TKTL1: variants seen among roughly 807,000 people sequenced by gnomAD.
TKTL1 encodes the protein transketolase like 1.
TKTL1 carries 1 observed loss-of-function variant against 39.3 expected under a neutral mutation model. The ratio of observed to expected loss-of-function variants is 0.03; its 90% CI spans 0.01 to 0.12. The LOEUF is 0.12. TKTL1 is among the 10% of genes least tolerant of loss of function. TKTL1 has a pLI of 1.00. For missense variants in TKTL1, 575 were observed against 509.6 expected, an observed-to-expected ratio of 1.13 and a Z score of -1.24; for synonymous variants, 262 against 193.8, an observed-to-expected ratio of 1.35 and a Z score of -2.92.
intron 8 of TKTL1, among the ~76,000 whole-genome samples, 190 bp from the exon 9 acceptor site, chrX:154,323,013 CAAGG>C (rs1192139470): frequency 8.9e-6 from 1 of 112,158 alleles, no homozygotes; most frequent in Non-Finnish European, 1.9e-5. Context: ...AGTGTGATCT[CAAGG>C]GAGACAGGCG....
chrX:154,321,073 C>T (rs2067446399), intron 8 of TKTL1, among the ~76,000 whole-genome samples, 160 bp downstream of exon 8: 1 of 108,361 alleles, frequency 9.2e-6, no homozygotes, highest in Non-Finnish European at 1.9e-5. Context: ...AAGTGTCAGA[C>T]TCTCAGGGCA....
intron 2 of TKTL1, among the ~76,000 whole-genome samples, chrX:154,307,299 G>A (rs1349093010): frequency 1.3e-4 from 15 of 111,687 alleles, no homozygotes; most frequent in African/African-American, 3.9e-4. Flanking sequence ...GCTTTCTATC[G>A]GGCAGCAGCA....
Position 154,327,385 on chromosome X carries a change from A to G in TKTL1, c.1402-206A>G, listed in dbSNP as rs188373329. The G allele has an allele frequency of 2.4e-3, 1,317 of 555,985 alleles. 4 individuals are homozygous for G. The highest frequency in any genetic ancestry group is 2.5e-3 in the Non-Finnish European group (766 of 301,444). The allele number at this position is 555,985 out of a possible 1,213,427, so 45.8% of individuals were successfully genotyped here. A position where few individuals can be genotyped will look rare whatever the true frequency, so the allele number is the denominator to read the frequency against. ...CTCCTGATGGGTATGTGGCGTATCC[A>G]TGCTCCAGGACAGCTGGAGCAGTGT... On this transcript the variant is annotated intron_variant, in intron 10 of 12. Coordinates refer to ENST00000369915, the MANE Select transcript of TKTL1 (RefSeq NM_012253.4).
chrX:154,300,038 C>T (rs1557165574), intron 1 of TKTL1, among the ~76,000 whole-genome samples: 1 of 92,986 alleles, frequency 1.1e-5, no homozygotes, highest in African/African-American at 4.2e-5. Context: ...TGTCTTGAGA[C>T]GGAGTCTTGC....
At chrX:154,319,939 G>A (rs1382154566) in intron 7 of TKTL1, among the ~76,000 whole-genome samples, 2 of 111,867 alleles carry the variant, frequency 1.8e-5, no homozygotes, top group Non-Finnish European at 3.8e-5. Flanking sequence ...TCTGGGGAAG[G>A]GGGGTAAGGA....
chrX:154,309,319 G>C, intron 2 of TKTL1, 26 bp from the exon 3 acceptor site: 1 of 1,174,422 alleles, frequency 8.5e-7, no homozygotes, highest in Non-Finnish European at 1.2e-6. Context: ...GCTGCGTCTG[G>C]GCTCACTGGG....
In TKTL1 at chrX:154,329,503, C is replaced by T; in HGVS notation, c.1619-13C>T. On this transcript the variant is annotated splice_polypyrimidine_tract_variant and intron_variant, in intron 12 of 12. Transcript: ENST00000369915. ...TGCTTTCACAAAAGGGCCTAACATC[C>T]TTGTTTCCCCAGGTGGCATCGGGGA... The T allele has an allele frequency of 4.1e-6, 5 of 1,209,497 alleles. No homozygotes were observed. The highest frequency in any genetic ancestry group is 5.6e-6 in the Non-Finnish European group (5 of 893,657).
At chrX:154,303,938 G>T in intron 1 of TKTL1, among the ~76,000 whole-genome samples, 1 of 106,425 alleles carries the variant, frequency 9.4e-6, no homozygotes, top group African/African-American at 3.4e-5. Flanking sequence ...TCTGAGAATT[G>T]TGATTTTCCA....
chrX:154,326,041 G>T (rs1346667739), intron 10 of TKTL1, among the ~76,000 whole-genome samples: 4 of 112,032 alleles, frequency 3.6e-5, no homozygotes. Context: ...AATCTGTTAG[G>T]TTCAGATTTT....
chrX:154,312,551 A>AT (rs782118198), intron 5 of TKTL1, 29 bp from the exon 6 acceptor site: 5 of 1,184,578 alleles, frequency 4.2e-6, no homozygotes, highest in African/African-American at 3.5e-5. Flanking sequence ...TATTTATGGA[A>AT]TGGATGTCTT....
At chrX:154,316,771 G>GTTT (rs386417754) in intron 7 of TKTL1, among the ~76,000 whole-genome samples, 5 of 100,589 alleles carry the variant, frequency 5.0e-5, no homozygotes, top group Non-Finnish European at 4.0e-5. Context: ...TTTTTTGGGG[G>GTTT]TTTTTTTTTT....
chrX:154,310,831 T>C lies in TKTL1; in HGVS notation c.351-5T>C. Reference sequence around the variant, plus strand: ...GGGTCCTAAACCTCTCTTGTCTTGCTCCAGCTACCGGGTGTTCTGCCTCAT... The same window carrying C: ...GGGTCCTAAACCTCTCTTGTCTTGCCCCAGCTACCGGGTGTTCTGCCTCAT... On this transcript the variant is annotated splice_polypyrimidine_tract_variant and splice_region_variant and intron_variant, in intron 3 of 12. Transcript: ENST00000369915. The C allele has an allele frequency of 8.3e-7, 1 of 1,208,182 alleles. No individual in the cohort carries two copies. Among genetic ancestry groups the C allele is most frequent in the Non-Finnish European group, 1.1e-6 (1 of 893,173 alleles).
chrX:154,315,424 T>C lies in TKTL1; in HGVS notation c.1029+87T>C. 6 of 991,253 alleles carry C rather than the reference T, an allele frequency of 6.1e-6. No individual in the cohort carries two copies. In the South Asian group the frequency reaches 8.1e-5, roughly 13 times the overall value. The allele number at this position is 991,253 out of a possible 1,213,427, so 81.7% of individuals were successfully genotyped here. A position where few individuals can be genotyped will look rare whatever the true frequency, so the allele number is the denominator to read the frequency against. On this transcript the variant is annotated intron_variant, in intron 7 of 12. Transcript: ENST00000369915. Reference sequence around the variant, plus strand: ...CAGCCTGTGCTAGTTTTTCTTTCCATTTATGAAAGCAAAAGGACTGGAAAA... The same window carrying C: ...CAGCCTGTGCTAGTTTTTCTTTCCACTTATGAAAGCAAAAGGACTGGAAAA...
At chrX:154,325,296 T>C (rs1557171694) in intron 9 of TKTL1, 43 bp from the exon 10 acceptor site, 3 of 1,140,300 alleles carry the variant, frequency 2.6e-6, no homozygotes, top group South Asian at 3.6e-5. Context: ...TGTTGGAAAT[T>C]CATTGTTTGC....
chrX:154,317,624 ACT>A (rs2067411806), intron 7 of TKTL1, among the ~76,000 whole-genome samples: 1 of 112,733 alleles, frequency 8.9e-6, no homozygotes, highest in Non-Finnish European at 1.9e-5. Flanking sequence ...GTTTTCCAAA[ACT>A]CTGAAGACTG....
chrX:154,324,766 G>A (rs1448610128), intron 9 of TKTL1, among the ~76,000 whole-genome samples: 2 of 111,985 alleles, frequency 1.8e-5, no homozygotes, highest in Non-Finnish European at 3.8e-5. Flanking sequence ...GCGTATGAAC[G>A]AACAGTAGCG....
intron 7 of TKTL1, 86 bp from the exon 8 acceptor site, chrX:154,320,671 A>G: frequency 2.1e-6 from 2 of 961,672 alleles, no homozygotes; most frequent in South Asian, 4.0e-5. Context: ...GCAGGTGCAG[A>G]ATGGGAGTTA....
chrX:154,316,543 C>A (rs973752813), intron 7 of TKTL1, among the ~76,000 whole-genome samples: 1 of 110,135 alleles, frequency 9.1e-6, no homozygotes. Flanking sequence ...ACAGCGAGAC[C>A]CCATCTCAAA....
intron 2 of TKTL1, among the ~76,000 whole-genome samples, chrX:154,308,716 C>G (rs2148804368): frequency 9.1e-6 from 1 of 109,978 alleles, no homozygotes; most frequent in Admixed American, 9.7e-5. Context: ...GCCACATTTT[C>G]TGCTTGGGAT....
Sources: allele counts gnomAD v4.1 joint callset (sites outside exome capture counted in the v4.1 genomes callset), GRCh38; gene constraint gnomAD v4.1.1; transcripts MANE v1.5; gene names NCBI Gene and HGNC (gene_info 2026-07-23, HGNC 2026-07-21).